The following TLR10 variants were observed in gnomAD, a reference collection of about 807,000 sequenced individuals.
The protein encoded by TLR10 is toll-like receptor 10.
For synonymous variants in TLR10, 288 were observed against 338.8 expected (o/e 0.85, Z 1.65); for missense variants, 929 against 932.9 (o/e 1.00, Z 0.05).
At position 38,775,825 on chromosome 4, in the gene TLR10, C is replaced by T. The variant is rs1032825747; in HGVS notation, c.-113G>A. 1 of 374,012 alleles carries T rather than the reference C, an allele frequency of 2.7e-6. No homozygotes were observed. The highest frequency in any genetic ancestry group is 2.1e-5 in the African/African-American group (1 of 47,606). 23.2% of individuals were successfully genotyped at this position (374,012 alleles called of 1,614,324 possible). A position where few individuals can be genotyped will look rare whatever the true frequency, so the allele number is the denominator to read the frequency against. On this transcript the variant is annotated 5_prime_UTR_variant, in exon 3 of 4. Transcript: ENST00000308973. ...CTCAGAGCATTGGCTGAGAAGTCTC[C>T]AAGCTGGCTACTGTGCCATGTCTCC...
At chr4:38,780,024 C>T (rs1417506386) in intron 1 of TLR10, among the ~76,000 whole-genome samples, 1 of 152,204 alleles carries the variant, frequency 6.6e-6, no homozygotes, top group African/African-American at 2.4e-5. Flanking sequence ...CAACGTGATG[C>T]ATAATATGCT....
rs758610869 is a variant in TLR10 at position 38,773,420 on chromosome 4, T to G, written c.2171A>C (p.His724Pro). The G allele has an allele frequency of 5.6e-6, 9 of 1,612,772 alleles. No individual in the cohort carries two copies. The highest frequency in any genetic ancestry group is 1.3e-5 in the African/African-American group (1 of 74,946). The change falls in exon 4 of 4, where the codon CAT becomes CCT. Residue 724 changes from histidine (H) to proline (P), a missense_variant. Coordinates refer to ENST00000308973, the MANE Select transcript of TLR10 (RefSeq NM_030956.4). ...GGGTTCCAGTAAGATAAGAATTATATGATCAGAATTTTCATGGAAGAGATT... is the reference window on the plus strand; with the variant it reads ...GGGTTCCAGTAAGATAAGAATTATAGGATCAGAATTTTCATGGAAGAGATT... ...HHNLFHENSD[H>P]IILILLEPIP...
intron 1 of TLR10, among the ~76,000 whole-genome samples, chr4:38,778,152 A>G (rs1190711900): frequency 1.3e-5 from 2 of 152,214 alleles, no homozygotes; most frequent in African/African-American, 4.8e-5. Context: ...CTTTGCAGGG[A>G]CATGGATGAA....
At chr4:38,777,607 A>G (rs973973368) in intron 1 of TLR10, among the ~76,000 whole-genome samples, 2 of 152,172 alleles carry the variant, frequency 1.3e-5, no homozygotes, top group African/African-American at 4.8e-5. Flanking sequence ...AATTTACAAG[A>G]AAAAAACAAC....
intron 1 of TLR10, among the ~76,000 whole-genome samples, chr4:38,777,683 C>G (rs1334826393): frequency 1.3e-5 from 2 of 151,998 alleles, no homozygotes; most frequent in African/African-American, 2.4e-5. Context: ...ATGCAGCCAA[C>G]AAACATATGA....
chr4:38,778,227 CT>C, intron 1 of TLR10, among the ~76,000 whole-genome samples: 1 of 152,280 alleles, frequency 6.6e-6, no homozygotes, highest in South Asian at 2.1e-4. Context: ...CATGTTCTCA[CT>C]CATAACTGGG....
intron 1 of TLR10, among the ~76,000 whole-genome samples, chr4:38,778,704 C>T (rs1725215559): frequency 6.6e-6 from 1 of 152,132 alleles, no homozygotes; most frequent in South Asian, 2.1e-4. Flanking sequence ...TTTCTGCTTC[C>T]ATTTGTATGT....
chr4:38,777,651 C>A (rs1363708696), intron 1 of TLR10, among the ~76,000 whole-genome samples: 2 of 152,092 alleles, frequency 1.3e-5, no homozygotes, highest in African/African-American at 4.8e-5. Context: ...TATGAACAGG[C>A]ACTTCTCAAA....
chr4:38,782,622 T>C (rs1416886734), intron 1 of TLR10, among the ~76,000 whole-genome samples: 1 of 152,142 alleles, frequency 6.6e-6, no homozygotes, highest in Non-Finnish European at 1.5e-5. Flanking sequence ...AAATAAGAGC[T>C]AGAAAAAACT....
At chr4:38,777,312 C>A (rs1221797547) in intron 1 of TLR10, among the ~76,000 whole-genome samples, 1 of 151,994 alleles carries the variant, frequency 6.6e-6, no homozygotes, top group Non-Finnish European at 1.5e-5. Context: ...GAGAGAACAG[C>A]AAGTACAAAT....
In TLR10 at chr4:38,774,905, A is replaced by G; in HGVS notation, c.686T>C (p.Val229Ala). ...MTNIDGKSQF[V>A]SYEMQRNLSL... ...AAGATTTCGTTGCATTTCATAACTT[A>G]CAAATTGGCTTTTGCCATCTATATT... The change falls in exon 4 of 4, where the codon GTA becomes GCA. Residue 229 changes from valine (V) to alanine (A), a missense_variant. By Grantham distance (64) the Val-to-Ala change is moderately conservative. Coordinates refer to ENST00000308973, the MANE Select transcript of TLR10 (RefSeq NM_030956.4). 6.2e-7 allele frequency: 1 copy of G among 1,611,070 alleles called. No individual in the cohort carries two copies. Among genetic ancestry groups the G allele is most frequent in the South Asian group, 1.1e-5 (1 of 90,248 alleles).
At position 38,774,054 on chromosome 4, in the gene TLR10, C is replaced by T. The variant is rs759518971; in HGVS notation, c.1537G>A (p.Glu513Lys). 3.1e-6 allele frequency: 5 copies of T among 1,611,824 alleles called. No homozygotes were observed. The highest frequency in any genetic ancestry group is 4.2e-6 in the Non-Finnish European group (5 of 1,178,712). The change falls in exon 4 of 4, where the codon GAA becomes AAA. Residue 513 changes from glutamate to lysine, a missense_variant. Glu to Lys is a moderately conservative substitution (Grantham distance 56). Coordinates refer to ENST00000308973, the MANE Select transcript of TLR10 (RefSeq NM_030956.4). ...PSLDFVQSCQ[E>K]VKTLNAGRNP... ...CTTCCCGCATTTAGAGTTTTAACTTCCTGGCAGCTCTGAACAAAATCCAGA... is the reference window on the plus strand; with the variant it reads ...CTTCCCGCATTTAGAGTTTTAACTTTCTGGCAGCTCTGAACAAAATCCAGA...
chr4:38,780,772 AT>A (rs1362454618), intron 1 of TLR10, among the ~76,000 whole-genome samples: 2 of 152,200 alleles, frequency 1.3e-5, no homozygotes, highest in South Asian at 2.1e-4. Flanking sequence ...AAATATCGAA[AT>A]TTTTCATAAA....
At chr4:38,777,541 G>T (rs1725129568) in intron 1 of TLR10, among the ~76,000 whole-genome samples, 2 of 152,058 alleles carry the variant, frequency 1.3e-5, no homozygotes, top group African/African-American at 2.4e-5. Flanking sequence ...GAAAATTTTT[G>T]CAATCTGTCC....
rs759198807 is a variant in TLR10, at chr4:38,773,498, G to A, written c.2093C>T (p.Pro698Leu). 2.5e-6 allele frequency: 4 copies of A among 1,611,962 alleles called. No homozygotes were observed. The African/African-American group carries it at 4.0e-5, about 16-fold the overall frequency. ...KSYKSIFVLS[P>L]NFVQNEWCHY... Reference sequence around the variant, plus strand: ...GCACCACTCATTCTGGACAAAGTTGGGAGACAAAACAAAGATGGACTTATA... The same window carrying A: ...GCACCACTCATTCTGGACAAAGTTGAGAGACAAAACAAAGATGGACTTATA... Residue 698 changes from proline (P) to leucine (L), a missense_variant, in exon 4 of 4, where the codon CCC becomes CTC. Pro to Leu is a moderately conservative substitution (Grantham distance 98). Coordinates refer to ENST00000308973, the MANE Select transcript of TLR10 (RefSeq NM_030956.4).
Position 38,775,643 on chromosome 4 carries a change from G to A in TLR10, c.-53C>T, listed in dbSNP as rs1448838048. The A allele has an allele frequency of 6.8e-7, 1 of 1,465,290 alleles. No individual in the cohort carries two copies. Among genetic ancestry groups the A allele is most frequent in the Non-Finnish European group, 9.1e-7 (1 of 1,093,834 alleles). The allele number at this position is 1,465,290 out of a possible 1,614,324, so 90.8% of individuals were successfully genotyped here. On this transcript the variant is annotated 5_prime_UTR_variant, in exon 4 of 4. Coordinates refer to ENST00000308973, the MANE Select transcript of TLR10 (RefSeq NM_030956.4). Reference sequence around the variant, plus strand: ...TTCCTCATATGAATGATGAAGATGAGCTCAAAACCCTAAAAAAAAGTATAT... The same window carrying A: ...TTCCTCATATGAATGATGAAGATGAACTCAAAACCCTAAAAAAAAGTATAT...
intron 1 of TLR10, chr4:38,778,919 A>G (rs11466615): frequency 0.11 from 16,784 of 152,230 alleles, 1,697 homozygotes; most frequent in African/African-American, 0.25. Context: ...CAAACATGGC[A>G]GGGTAACAAA....
Position 38,773,292 on chromosome 4 carries a change from A to G in TLR10, c.2299T>C (p.Phe767Leu), listed in dbSNP as rs1259326228. ...WPKDRRKCGLFWANLRAAINV... is the reference protein window; with the variant it reads ...WPKDRRKCGLLWANLRAAINV... ...ATAGCAGCTCGAAGGTTTGCCCAGA[A>G]AAGCCCACATTTACGCCTATCCTTG... The change falls in exon 4 of 4, where the codon TTC (phenylalanine) becomes CTC (leucine). Residue 767 changes from phenylalanine (F) to leucine (L), a missense_variant. By Grantham distance (22) the Phe-to-Leu change is conservative. Coordinates refer to ENST00000308973, the MANE Select transcript of TLR10 (RefSeq NM_030956.4). The G allele has an allele frequency of 1.9e-6, 3 of 1,612,564 alleles. No individual in the cohort carries two copies. In the Admixed American group the frequency reaches 5.0e-5, roughly 27 times the overall value.
rs1355070289 is a variant in TLR10, at chr4:38,776,340, G to A, written c.-482C>T. ...TCTGAAACCTGCCAGTGAATACCAA[G>A]CCACAATCTTCAGTCTGTTGTTAGA... On this transcript the variant is annotated 5_prime_UTR_variant, in exon 2 of 4. Transcript: ENST00000308973. 1 of 206,112 alleles carries A rather than the reference G, an allele frequency of 4.9e-6. No individual in the cohort carries two copies. The highest frequency in any genetic ancestry group is 2.4e-5 in the African/African-American group (1 of 42,550). The allele number at this position is 206,112 out of a possible 1,614,324, so 12.8% of individuals were successfully genotyped here. A position where few individuals can be genotyped will look rare whatever the true frequency, so the allele number is the denominator to read the frequency against.
Sources: allele counts gnomAD v4.1 joint callset (sites outside exome capture counted in the v4.1 genomes callset), GRCh38; gene constraint gnomAD v4.1.1; transcripts MANE v1.5; gene names NCBI Gene and HGNC (gene_info 2026-07-23, HGNC 2026-07-21).